DAB1: variants seen among roughly 807,000 people sequenced by gnomAD.
DAB1 encodes the protein DAB adaptor protein 1, also known as disabled homolog 1.
Under a neutral mutation model 64.6 loss-of-function variants are expected in DAB1, and 15 were observed. The ratio of observed to expected loss-of-function variants is 0.23; its 90% confidence interval spans 0.16 to 0.36. The LOEUF is 0.36. Ranked by LOEUF, DAB1 falls within the 10% of genes least tolerant of loss-of-function variation. The pLI is 1.00. For missense variants in DAB1, 596 were observed against 706.7 expected (o/e 0.84, Z 1.78); for synonymous variants, 235 against 251.9 (o/e 0.93, Z 0.64).
intron 1 of DAB1, among the ~76,000 whole-genome samples, chr1:57,367,933 C>G (rs1009688131): frequency 1.3e-5 from 2 of 152,238 alleles, no homozygotes; most frequent in African/African-American, 4.8e-5. Context: ...CTGGGTGCAG[C>G]TGCAGCCGCC....
At chr1:57,587,541 G>T (rs923306864) in intron 7 of DAB1, among the ~76,000 whole-genome samples, 3 of 152,094 alleles carry the variant, frequency 2.0e-5, no homozygotes, top group Admixed American at 6.6e-5. Flanking sequence ...TGATCTTTAT[G>T]GCTTAATTCT....
At chr1:57,268,268 T>G (rs776066877) in intron 2 of DAB1, among the ~76,000 whole-genome samples, 1 of 152,034 alleles carries the variant, frequency 6.6e-6, no homozygotes, top group South Asian at 2.1e-4. Context: ...GAGAAAGAAA[T>G]AGCGACAGAA....
intron 6 of DAB1, among the ~76,000 whole-genome samples, chr1:57,774,556 C>A (rs368363305): frequency 6.6e-6 from 1 of 151,748 alleles, no homozygotes; most frequent in Non-Finnish European, 1.5e-5. Context: ...CATAGATGCC[C>A]TTTATTAGCT....
intron 7 of DAB1, among the ~76,000 whole-genome samples, chr1:57,606,795 TAG>T (rs112310014): frequency 1.5e-5 from 2 of 133,168 alleles, no homozygotes; most frequent in African/African-American, 5.7e-5. Context: ...CATATATATA[TAG>T]AGAGAGAGAG....
At chr1:57,703,575 T>C (rs1444278707) in intron 6 of DAB1, among the ~76,000 whole-genome samples, 2 of 152,194 alleles carry the variant, frequency 1.3e-5, no homozygotes, top group African/African-American at 4.8e-5. Flanking sequence ...GGAACACTTA[T>C]ACACTGTTGG....
chr1:57,186,718 C>A (rs1180752794), intron 2 of DAB1, among the ~76,000 whole-genome samples: 1 of 152,178 alleles, frequency 6.6e-6, no homozygotes, highest in Non-Finnish European at 1.5e-5. Context: ...TCTTCCAGTA[C>A]CCACTTCAAG....
Position 58,359,176 on chromosome 1 carries a change from A to T in DAB1, n.258-15773T>A, listed in dbSNP as rs75167766. Among the ~76,000 whole-genome samples, 141 of 152,314 alleles carry T rather than the reference A, an allele frequency of 9.3e-4. No individual in the cohort carries two copies. In the East Asian group the frequency reaches 0.025, roughly 27 times the overall value. On this transcript the variant is annotated intron_variant and non_coding_transcript_variant, in intron 3 of 20. Coordinates refer to the DAB1 transcript ENST00000485760. ...TTCCCAGAGTGAAAAGCAATTTCACATTCATGATCCTAGGCAAGCCTTCTT... is the reference window on the plus strand; with the variant it reads ...TTCCCAGAGTGAAAAGCAATTTCACTTTCATGATCCTAGGCAAGCCTTCTT...
chr1:57,395,510 G>C (rs952028073), intron 1 of DAB1, among the ~76,000 whole-genome samples: 1 of 152,122 alleles, frequency 6.6e-6, no homozygotes, highest in Admixed American at 6.5e-5. Context: ...GCCAAGAATT[G>C]TTTTACCTAT....
intron 7 of DAB1, among the ~76,000 whole-genome samples, chr1:57,555,285 G>A (rs921739934): frequency 1.3e-5 from 2 of 151,420 alleles, no homozygotes; most frequent in African/African-American, 2.4e-5. Context: ...TGCCTGCCTC[G>A]GCCTCCCAAA....
intron 7 of DAB1, among the ~76,000 whole-genome samples, chr1:57,536,151 G>A (rs937025310): frequency 6.6e-6 from 1 of 152,102 alleles, no homozygotes; most frequent in Non-Finnish European, 1.5e-5. Context: ...CTTCTCCTGC[G>A]ATGTTCCAGC....
intron 6 of DAB1, among the ~76,000 whole-genome samples, chr1:57,788,312 G>T (rs1476962512): frequency 6.6e-6 from 1 of 152,186 alleles, no homozygotes; most frequent in African/African-American, 2.4e-5. Context: ...AACACTGGGT[G>T]CATTCACATG....
chr1:57,399,281 C>A lies in DAB1; in HGVS notation c.-137+24649G>T, dbSNP rs147644540. On this transcript the variant is annotated intron_variant, in intron 1 of 14. Coordinates refer to ENST00000371236, the MANE Select transcript of DAB1 (RefSeq NM_001365792.1). Reference sequence around the variant, plus strand: ...ATCTTATTCTTCTTTGTTTCCTCAGCACTGTGCACAGCACCAAGCATATAG... The same window carrying A: ...ATCTTATTCTTCTTTGTTTCCTCAGAACTGTGCACAGCACCAAGCATATAG... 2.7e-3 allele frequency among the ~76,000 whole-genome samples: 412 copies of A among 152,244 alleles called. 1 individual carries two copies. The highest frequency in any genetic ancestry group is 9.4e-3 in the African/African-American group (390 of 41,548).
intron 3 of DAB1, among the ~76,000 whole-genome samples, chr1:58,494,752 TAA>T (rs1645765807): frequency 6.6e-6 from 1 of 152,016 alleles, no homozygotes; most frequent in South Asian, 2.1e-4. Flanking sequence ...TGGCGATCAT[TAA>T]AAAGTCAGGA....
intron 6 of DAB1, among the ~76,000 whole-genome samples, chr1:57,703,779 T>A (rs1344171814): frequency 6.8e-6 from 1 of 146,944 alleles, no homozygotes; most frequent in Non-Finnish European, 1.5e-5. Context: ...AGACATAGAA[T>A]CAACCTAAAT....
chr1:57,948,566 C>T (rs1645218225), intron 5 of DAB1, among the ~76,000 whole-genome samples: 4 of 152,188 alleles, frequency 2.6e-5, no homozygotes, highest in Admixed American at 2.0e-4. Flanking sequence ...CTAGTCGATT[C>T]TAGCCCAGGC....
intron 4 of DAB1, among the ~76,000 whole-genome samples, chr1:57,110,960 A>G (rs1488149891): frequency 6.6e-6 from 1 of 151,718 alleles, no homozygotes; most frequent in Non-Finnish European, 1.5e-5. Flanking sequence ...ATAAACAGAA[A>G]TATATATAAT....
rs1467690314 is a variant in DAB1, at chr1:57,746,162, A to G, written n.552-96497T>C. On this transcript the variant is annotated intron_variant and non_coding_transcript_variant, in intron 6 of 20. Transcript: ENST00000485760. ...TAAATTTTCTGGTCCATGTCTTTCCATGCACATGTCCATAATATTCTCTAC... is the reference window on the plus strand; with the variant it reads ...TAAATTTTCTGGTCCATGTCTTTCCGTGCACATGTCCATAATATTCTCTAC... 7.2e-5 allele frequency among the ~76,000 whole-genome samples: 11 copies of G among 152,308 alleles called. No homozygotes were observed. The East Asian group carries it at 2.1e-3, about 29-fold the overall frequency.
intron 7 of DAB1, among the ~76,000 whole-genome samples, chr1:57,623,877 C>T (rs1226207607): frequency 5.3e-5 from 8 of 152,226 alleles, no homozygotes. Flanking sequence ...AGATAGCATG[C>T]TTCCTTCACA....
At chr1:57,350,560 T>C (rs1273513915) in intron 1 of DAB1, among the ~76,000 whole-genome samples, 1 of 152,122 alleles carries the variant, frequency 6.6e-6, no homozygotes, top group Non-Finnish European at 1.5e-5. Flanking sequence ...TCCACTTTGC[T>C]GGGCGCTACT....
Sources: gnomAD v4.1 joint callset for allele counts (sites outside exome capture counted in the v4.1 genomes callset) on GRCh38, gnomAD v4.1.1 for gene constraint, MANE v1.5 for transcripts, NCBI Gene and HGNC (gene_info 2026-07-23, HGNC 2026-07-21) for gene names.